The following FRMPD4 variants were observed in gnomAD, a reference collection of about 807,000 sequenced individuals.
FRMPD4 encodes FERM and PDZ domain containing 4.
FRMPD4 carries 22 observed loss-of-function variants against 94.1 expected under a neutral mutation model. The observed-to-expected ratio is 0.23, with a 90% CI of 0.17 to 0.33. FRMPD4 has a LOEUF of 0.33. Ranked by LOEUF, FRMPD4 falls within the 10% of genes least tolerant of loss-of-function variation. FRMPD4 has a pLI of 1.00. For synonymous variants in FRMPD4, 631 were observed against 548.6 expected, an observed-to-expected ratio of 1.15 and a Z score of -2.10; for missense variants, 1,111 against 1,339.9, an observed-to-expected ratio of 0.83 and a Z score of 2.67.
intron 3 of FRMPD4, among the ~76,000 whole-genome samples, chrX:12,031,701 ATTTGAACTGTAAGAGCAACTGGAT>A (rs1389114654): frequency 7.1e-5 from 8 of 111,990 alleles, no homozygotes; most frequent in African/African-American, 1.9e-4. Flanking sequence ...CTGGTCTGGA[ATTTGAACTGTAAGAGCAACTGGAT>A]TTTGTTGAAT....
At chrX:12,493,762 T>C in intron 1 of FRMPD4, among the ~76,000 whole-genome samples, 1 of 112,096 alleles carries the variant, frequency 8.9e-6, no homozygotes, top group Non-Finnish European at 1.9e-5. Flanking sequence ...GAGGCAGGCC[T>C]GTGAGTATCC....
chrX:12,474,722 A>T (rs1204995706), intron 1 of FRMPD4, among the ~76,000 whole-genome samples: 1 of 111,916 alleles, frequency 8.9e-6, no homozygotes, highest in Admixed American at 9.5e-5. Context: ...AAAAATGGAT[A>T]AATTCCTCGA....
chrX:11,875,296 G>A (rs1188020038), intron 2 of FRMPD4, among the ~76,000 whole-genome samples: 1 of 111,523 alleles, frequency 9.0e-6, no homozygotes, highest in African/African-American at 3.3e-5. Flanking sequence ...GCAGGGACAT[G>A]TCATTTAATT....
chrX:11,845,103 CT>C (rs2053566316), intron 1 of FRMPD4, among the ~76,000 whole-genome samples: 1 of 112,132 alleles, frequency 8.9e-6, no homozygotes, highest in African/African-American at 3.2e-5. Context: ...TGATATCATA[CT>C]TTAATTGTTT....
At chrX:12,629,796 T>C (rs1229946103) in intron 4 of FRMPD4, among the ~76,000 whole-genome samples, 1 of 112,099 alleles carries the variant, frequency 8.9e-6, no homozygotes, top group Non-Finnish European at 1.9e-5. Flanking sequence ...ATGAAGCACT[T>C]TGTGGCCTGT....
At chrX:12,563,055 A>G (rs1316782041) in intron 2 of FRMPD4, among the ~76,000 whole-genome samples, 1 of 112,055 alleles carries the variant, frequency 8.9e-6, no homozygotes, top group Non-Finnish European at 1.9e-5. Context: ...ATATGGGCAC[A>G]GCCAAGTCAG....
At chrX:12,203,036 A>G (rs763488305) in intron 1 of FRMPD4, among the ~76,000 whole-genome samples, 1 of 111,868 alleles carries the variant, frequency 8.9e-6, no homozygotes, top group South Asian at 3.8e-4. Context: ...GTTTTAAGTC[A>G]CTTAGTTTAG....
intron 3 of FRMPD4, among the ~76,000 whole-genome samples, chrX:11,905,102 AG>A (rs2053960253): frequency 8.9e-6 from 1 of 112,115 alleles, no homozygotes; most frequent in Non-Finnish European, 1.9e-5. Context: ...TCCTTTTTCC[AG>A]CCCCTCTTGC....
chrX:12,179,887 A>T (rs1252197331), intron 1 of FRMPD4, among the ~76,000 whole-genome samples: 29 of 64,422 alleles, frequency 4.5e-4, no homozygotes, highest in African/African-American at 5.7e-4. Context: ...TTTTTTTTTT[A>T]AAGTATATTT....
intron 3 of FRMPD4, among the ~76,000 whole-genome samples, chrX:11,904,648 C>A (rs1289484593): frequency 8.9e-6 from 1 of 111,824 alleles, no homozygotes; most frequent in Non-Finnish European, 1.9e-5. Context: ...CCTTAACCTC[C>A]AAGACTCATG....
At chrX:12,655,603 G>A (rs961449352) in intron 4 of FRMPD4, among the ~76,000 whole-genome samples, 9 of 112,102 alleles carry the variant, frequency 8.0e-5, no homozygotes, top group South Asian at 7.5e-4. Context: ...ATTTTATTAT[G>A]TTTAGTGAAC....
intron 3 of FRMPD4, among the ~76,000 whole-genome samples, chrX:11,974,561 C>G (rs2054357478): frequency 8.9e-6 from 1 of 112,050 alleles, no homozygotes; most frequent in Non-Finnish European, 1.9e-5. Flanking sequence ...AAGACAAAAG[C>G]CCAAAGCAAT....
chrX:12,308,032 G>A (rs1307470048), intron 1 of FRMPD4, among the ~76,000 whole-genome samples: 1 of 111,864 alleles, frequency 8.9e-6, no homozygotes, highest in Non-Finnish European at 1.9e-5. Context: ...TATTTGGAAT[G>A]ACCATTTGAT....
chrX:12,031,221 G>T (rs2054689636), intron 3 of FRMPD4, among the ~76,000 whole-genome samples: 1 of 112,144 alleles, frequency 8.9e-6, no homozygotes, highest in African/African-American at 3.2e-5. Flanking sequence ...CAGTCTTTTG[G>T]TAGAAACTGT....
intron 1 of FRMPD4, among the ~76,000 whole-genome samples, chrX:12,472,527 G>A (rs940732494): frequency 6.1e-4 from 68 of 111,514 alleles, no homozygotes; most frequent in Non-Finnish European, 9.2e-4. Flanking sequence ...ATTTAAGAAA[G>A]TACAGCTAAC....
intron 1 of FRMPD4, among the ~76,000 whole-genome samples, chrX:12,442,565 A>G (rs2057149857): frequency 8.9e-6 from 1 of 112,215 alleles, no homozygotes; most frequent in African/African-American, 3.2e-5. Context: ...AACACTAAAA[A>G]GTCAGAAAAT....
At chrX:11,831,807 G>T (rs773516446) in intron 1 of FRMPD4, among the ~76,000 whole-genome samples, 1 of 111,809 alleles carries the variant, frequency 8.9e-6, no homozygotes, top group African/African-American at 3.2e-5. Flanking sequence ...AATACCAAGA[G>T]AAATAAGGAT....
intron 3 of FRMPD4, among the ~76,000 whole-genome samples, chrX:11,972,814 C>A (rs996423785): frequency 8.9e-5 from 10 of 112,266 alleles, no homozygotes; most frequent in African/African-American, 3.2e-4. Flanking sequence ...ATTCCATACC[C>A]AGAAAAATTC....
At chrX:12,394,534 G>A (rs781781073) in intron 1 of FRMPD4, among the ~76,000 whole-genome samples, 31 of 110,593 alleles carry the variant, frequency 2.8e-4, no homozygotes, top group Non-Finnish European at 5.5e-4. Flanking sequence ...TTTTTGATAC[G>A]TGAAGAATTA....
Sources: gnomAD v4.1 joint callset for allele counts (sites outside exome capture counted in the v4.1 genomes callset) on GRCh38, gnomAD v4.1.1 for gene constraint, MANE v1.5 for transcripts, NCBI Gene and HGNC (gene_info 2026-07-23, HGNC 2026-07-21) for gene names.